ZNF611: variants seen among roughly 807,000 people sequenced by gnomAD.
ZNF611 encodes zinc finger protein 611.
A neutral mutation model predicts 8.9 loss-of-function variants in ZNF611; 6 were observed. The observed-to-expected ratio is 0.68, with a 90% CI of 0.37 to 1.34. ZNF611 has a LOEUF of 1.34. ZNF611 is among the 40% of genes most tolerant of loss of function. The pLI is 0.02. For synonymous variants in ZNF611, 262 were observed against 279.7 expected (o/e 0.94, Z 0.63); for missense variants, 874 against 841.3 (o/e 1.04, Z -0.48).
intron 3 of ZNF611, among the ~76,000 whole-genome samples, chr19:52,722,905 G>GT (rs372056346): frequency 0.47 from 55,816 of 119,724 alleles, 13,349 homozygotes; most frequent in Middle Eastern, 0.53. Context: ...TTTTGTTTTC[G>GT]TTTTTTTTTT....
At chr19:52,715,292 T>C (rs1391982222) in intron 4 of ZNF611, among the ~76,000 whole-genome samples, 1 of 151,916 alleles carries the variant, frequency 6.6e-6, no homozygotes, top group African/African-American at 2.4e-5. Flanking sequence ...CCTTCTCTAC[T>C]AAAAGTACAA....
chr19:52,722,359 G>A (rs1361656628), intron 3 of ZNF611, among the ~76,000 whole-genome samples: 1 of 152,046 alleles, frequency 6.6e-6, no homozygotes, highest in African/African-American at 2.4e-5. Flanking sequence ...TCCAGCCTGG[G>A]CAATAGGGCC....
At chr19:52,715,281 C>T (rs1168581452) in intron 4 of ZNF611, among the ~76,000 whole-genome samples, 1 of 151,990 alleles carries the variant, frequency 6.6e-6, no homozygotes, top group African/African-American at 2.4e-5. Context: ...ATGCTGAAAC[C>T]CCTTCTCTAC....
Position 52,703,319 on chromosome 19 carries a change from C to CATCT in ZNF611, c.*1617_*1618insAGAT, listed in dbSNP as rs1488857145. 3.9e-5 allele frequency: 6 copies of CATCT among 152,034 alleles called. No homozygotes were observed. The highest frequency in any genetic ancestry group is 1.4e-4 in the African/African-American group (6 of 41,388). 9.4% of individuals were successfully genotyped at this position (152,034 alleles called of 1,614,324 possible). On this transcript the variant is annotated 3_prime_UTR_variant, in exon 6 of 6. Coordinates refer to ENST00000652185, the MANE Select transcript of ZNF611 (RefSeq NM_001161499.2). ...TTGTTTGAGATGGAGACTCACTCTG[C>CATCT]CACCCAGGCTGCAGTATAGTGGCAC... is the stretch of plus-strand genomic sequence containing the variant.
At chr19:52,726,722 G>GTTTTTTTT (rs56146245) in intron 3 of ZNF611, among the ~76,000 whole-genome samples, 3 of 130,304 alleles carry the variant, frequency 2.3e-5, no homozygotes. Context: ...TCGGCCTTGT[G>GTTTTTTTT]TTTTTTTTTT....
chr19:52,725,059 C>T (rs2062382982), intron 3 of ZNF611, among the ~76,000 whole-genome samples: 2 of 152,234 alleles, frequency 1.3e-5, no homozygotes, highest in South Asian at 4.1e-4. Context: ...TCTCTATCTC[C>T]TCATCTCTTT....
chr19:52,713,942 G>C, intron 5 of ZNF611, 73 bp downstream of exon 5: 1 of 1,589,800 alleles, frequency 6.3e-7, no homozygotes, highest in Non-Finnish European at 8.5e-7. Context: ...AATCACAAAA[G>C]AGGATACAAA....
chr19:52,725,204 C>T (rs2062383885), intron 3 of ZNF611, among the ~76,000 whole-genome samples: 2 of 152,164 alleles, frequency 1.3e-5, no homozygotes, highest in Admixed American at 6.5e-5. Flanking sequence ...CCAACGCTGG[C>T]TCAGGGGAAG....
At position 52,705,457 on chromosome 19, in the gene ZNF611, G is replaced by C; in HGVS notation, c.1598C>G (p.Thr533Ser). 1 of 1,613,724 alleles carries C rather than the reference G, an allele frequency of 6.2e-7. No homozygotes were observed. The highest frequency in any genetic ancestry group is 2.2e-5 in the East Asian group (1 of 44,832). ...CTTACATTTGTATGGTTTCTCTCCA[G>C]TATGACCTATCTTATGTGTCTCAAG... is the stretch of plus-strand genomic sequence containing the variant. ...SSLETHKIGHTGEKPYKCKVC... is the reference protein window; with the variant it reads ...SSLETHKIGHSGEKPYKCKVC... Residue 533 changes from threonine (T) to serine (S), a missense_variant, in exon 6 of 6, where the codon ACT becomes AGT. Thr to Ser is a moderately conservative substitution (Grantham distance 58). Coordinates refer to ENST00000652185, the MANE Select transcript of ZNF611 (RefSeq NM_001161499.2).
chr19:52,726,726 T>G (rs1287193847), intron 3 of ZNF611, among the ~76,000 whole-genome samples: 1 of 146,408 alleles, frequency 6.8e-6, no homozygotes, highest in Non-Finnish European at 1.5e-5. Flanking sequence ...CCTTGTGTTT[T>G]TTTTTTTTTT....
chr19:52,724,486 C>G (rs994154541), intron 3 of ZNF611: 1 of 152,172 alleles, frequency 6.6e-6, no homozygotes, highest in African/African-American at 2.4e-5. Context: ...AATGGGGTTT[C>G]TTATGTCTAC....
intron 3 of ZNF611, among the ~76,000 whole-genome samples, chr19:52,725,604 C>T (rs970209660): frequency 6.6e-6 from 1 of 152,174 alleles, no homozygotes; most frequent in African/African-American, 2.4e-5. Flanking sequence ...TCTCAATTTG[C>T]TCTGGGTGAA....
intron 5 of ZNF611, among the ~76,000 whole-genome samples, chr19:52,712,346 A>G (rs929781071): frequency 1.3e-5 from 2 of 148,922 alleles, no homozygotes; most frequent in Non-Finnish European, 3.0e-5. Flanking sequence ...GGCTGAGTGC[A>G]GTGGCTTACT....
At position 52,715,879 on chromosome 19, in the gene ZNF611, C is replaced by T. The variant is rs749694516; in HGVS notation, c.16G>A (p.Ala6Thr). Residue 6 changes from alanine to threonine, a missense_variant, in exon 4 of 6, where the codon GCA becomes ACA. Coordinates refer to ENST00000652185, the MANE Select transcript of ZNF611 (RefSeq NM_001161499.2). ...TCCTTTCCTTTCCTCTTCTGAGCTG[C>T]TTCCTCACGTAACATGAGTCTTTAG... The part of the protein sequence containing the change: MLREE[A>T]AQKRKGKEPG... 1.4e-5 allele frequency: 22 copies of T among 1,613,492 alleles called. No homozygotes were observed. In the Admixed American group the frequency reaches 3.7e-4, roughly 27 times the overall value.
Position 52,704,854 on chromosome 19 carries a change from G to C in ZNF611, c.*83C>G. On this transcript the variant is annotated 3_prime_UTR_variant, in exon 6 of 6. Coordinates refer to ENST00000652185, the MANE Select transcript of ZNF611 (RefSeq NM_001161499.2). ...AAGTCTTGTCAGAAACCTTACATTT[G>C]TAAGCTTTCTCTCCAGTATAAATTC... 6.2e-7 allele frequency: 1 copy of C among 1,607,562 alleles called. No homozygotes were observed.
In ZNF611 at chr19:52,703,826, C is replaced by T. The variant is rs1423703215; in HGVS notation, c.*1111G>A. ...CAGGAAAGTCTCGATCTCCTGACCC[C>T]GTGATCTGCCTGCCTCGGCCTCCCA... On this transcript the variant is annotated 3_prime_UTR_variant, in exon 6 of 6. Coordinates refer to ENST00000652185, the MANE Select transcript of ZNF611 (RefSeq NM_001161499.2). The T allele has an allele frequency of 4.6e-5, 7 of 152,828 alleles. No individual in the cohort carries two copies. Among genetic ancestry groups the T allele is most frequent in the African/African-American group, 9.7e-5 (4 of 41,214 alleles). The allele number at this position is 152,828 out of a possible 1,614,324, so 9.5% of individuals were successfully genotyped here. A position where few individuals can be genotyped will look rare whatever the true frequency, so the allele number is the denominator to read the frequency against.
In ZNF611 at chr19:52,726,014, A is replaced by C. The variant is rs142645488; in HGVS notation, c.-20+2716T>G. 1.2e-4 allele frequency among the ~76,000 whole-genome samples: 19 copies of C among 152,370 alleles called. No homozygotes were observed. The East Asian group carries it at 3.5e-3, about 28-fold the overall frequency. ...AAGCCCTGGAATTATCTGGAACGGG[A>C]ATGCAAACTAGAATGTGAAATGCAA... On this transcript the variant is annotated intron_variant, in intron 3 of 5. Coordinates refer to ENST00000652185, the MANE Select transcript of ZNF611 (RefSeq NM_001161499.2).
chr19:52,706,450 G>A lies in ZNF611; in HGVS notation c.605C>T (p.Thr202Ile). 1.9e-6 allele frequency: 3 copies of A among 1,614,162 alleles called. No individual in the cohort carries two copies. Among genetic ancestry groups the A allele is most frequent in the Non-Finnish European group, 2.5e-6 (3 of 1,180,030 alleles). The change falls in exon 6 of 6, where the codon ACC (threonine) becomes ATC (isoleucine). Residue 202 changes from threonine (T) to isoleucine (I), a missense_variant. By Grantham distance (89) the Thr-to-Ile change is moderately conservative. Transcript: ENST00000652185. ...TFQRISCRPQ[T>I]QISNNYGNNP... ...ATTCCCATAGTTATTAGAAATCTGG[G>A]TTTGGGGCCTACAGGAAATTCTTTG...
At chr19:52,719,844 T>C (rs553310142) in intron 3 of ZNF611, among the ~76,000 whole-genome samples, 3 of 152,290 alleles carry the variant, frequency 2.0e-5, no homozygotes, top group African/African-American at 7.2e-5. Flanking sequence ...CATACGACAA[T>C]AGTGGAGAGA....
Sources: allele counts gnomAD v4.1 joint callset (sites outside exome capture counted in the v4.1 genomes callset), GRCh38; gene constraint gnomAD v4.1.1; transcripts MANE v1.5; gene names NCBI Gene and HGNC (gene_info 2026-07-23, HGNC 2026-07-21).